PLD6: variants seen among roughly 807,000 people sequenced by gnomAD.
The protein encoded by PLD6 is phospholipase D family member 6.
In PLD6, 10 loss-of-function variants were observed where a neutral mutation model predicts 9.7. The ratio of observed to expected loss-of-function variants is 1.03; its 90% CI spans 0.64 to 1.75. The LOEUF (loss-of-function observed/expected upper bound fraction) is 1.75, where lower values mean the gene tolerates loss of function less well. PLD6 is among the 40% of genes most tolerant of loss of function. The pLI, the probability that PLD6 is intolerant of heterozygous loss-of-function variation, is 0.00. For missense variants in PLD6, 334 were observed against 347.6 expected (o/e 0.96, Z 0.31); for synonymous variants, 152 against 159.2 (o/e 0.96, Z 0.34).
At chr17:17,205,492 C>T (rs1356983454) in intron 1 of PLD6, among the ~76,000 whole-genome samples, 2 of 152,194 alleles carry the variant, frequency 1.3e-5, no homozygotes, top group African/African-American at 2.4e-5. Flanking sequence ...GGAGGGCGGG[C>T]CCGGGCTGCA....
In PLD6 at chr17:17,206,087, T is replaced by G; in HGVS notation, c.200A>C (p.Glu67Ala). Residue 67 changes from glutamate to alanine, a missense_variant, in exon 1 of 2, where the codon GAG becomes GCG. Coordinates refer to ENST00000321560, the MANE Select transcript of PLD6 (RefSeq NM_178836.4). ...GTGGGGCAGGCCGCACGGGCAGCCC[T>G]CGGGGAGCTCGGCCAGCTCCGCGCC... ...APGAELAELP[E>A]GCPCGLPHGE... 6.7e-7 allele frequency: 1 copy of G among 1,489,030 alleles called. No individual in the cohort carries two copies. The highest frequency in any genetic ancestry group is 1.3e-5 in the South Asian group (1 of 77,454). The allele number at this position is 1,489,030 out of a possible 1,614,324, so 92.2% of individuals were successfully genotyped here.
chr17:17,205,937 C>T lies in PLD6; in HGVS notation c.350G>A (p.Gly117Glu). ...GTCGGTGACGACCCGCACTCGCACC[C>T]CACGCTGGTGCAGCAACTGCACGGC... ...GRAVQLLHQR[G>E]VRVRVVTDCD... The change falls in exon 1 of 2, where the codon GGG becomes GAG. Residue 117 changes from glycine (G) to glutamate (E), a missense_variant. Transcript: ENST00000321560. 6.4e-7 allele frequency: 1 copy of T among 1,564,552 alleles called. No homozygotes were observed. The highest frequency in any genetic ancestry group is 2.4e-5 in the East Asian group (1 of 42,218).
In PLD6 at chr17:17,202,687, A is replaced by T; in HGVS notation, c.*80T>A. ...ATTCTAATAGACGAGACTTTAGTTT[A>T]ACGATTTTTTTCTAGTGCCGAGGTC... is the stretch of plus-strand genomic sequence containing the variant. On this transcript the variant is annotated 3_prime_UTR_variant, in exon 2 of 2. Transcript: ENST00000321560. 7.4e-7 allele frequency: 1 copy of T among 1,359,922 alleles called. No individual in the cohort carries two copies. The highest frequency in any genetic ancestry group is 1.0e-6 in the Non-Finnish European group (1 of 990,318). The allele number at this position is 1,359,922 out of a possible 1,614,324, so 84.2% of individuals were successfully genotyped here. A position where few individuals can be genotyped will look rare whatever the true frequency, so the allele number is the denominator to read the frequency against.
rs1026211506 is a variant in PLD6 at position 17,202,623 on chromosome 17, G to C, written c.*144C>G. ...CCGAAATAACTGACCCGAAGTAACA[G>C]AAATTTCCCTTTCCTAACCTTCTTT... On this transcript the variant is annotated 3_prime_UTR_variant, in exon 2 of 2. Coordinates refer to ENST00000321560, the MANE Select transcript of PLD6 (RefSeq NM_178836.4). The C allele has an allele frequency of 2.4e-6, 2 of 841,328 alleles. No individual in the cohort carries two copies. The highest frequency in any genetic ancestry group is 3.6e-6 in the Non-Finnish European group (2 of 552,360). The allele number at this position is 841,328 out of a possible 1,614,324, so 52.1% of individuals were successfully genotyped here.
rs2046716647 is a variant in PLD6 at position 17,206,007 on chromosome 17, G to C, written c.280C>G (p.Leu94Val). The C allele has an allele frequency of 6.5e-7, 1 of 1,545,908 alleles. No individual in the cohort carries two copies. Among genetic ancestry groups the C allele is most frequent in the Non-Finnish European group, 8.7e-7 (1 of 1,148,784 alleles). ...GAGAAGGCGAACAGGCAGAGATCCA[G>C]GCTGGCGCGGGCGGCCAGCAGGGCA... ...LRALLAARAS[L>V]DLCLFAFSSP... Residue 94 changes from leucine to valine, a missense_variant, in exon 1 of 2, where the codon CTG becomes GTG. Coordinates refer to ENST00000321560, the MANE Select transcript of PLD6 (RefSeq NM_178836.4).
chr17:17,204,198 A>T (rs1048506632), intron 1 of PLD6, among the ~76,000 whole-genome samples: 4 of 152,168 alleles, frequency 2.6e-5, no homozygotes, highest in African/African-American at 9.7e-5. Context: ...ACCTCTGGCC[A>T]CAGGGGACTT....
In PLD6 at chr17:17,202,685, T is replaced by A. The variant is rs146329647; in HGVS notation, c.*82A>T. 84 of 1,352,728 alleles carry A rather than the reference T, an allele frequency of 6.2e-5. No individual in the cohort carries two copies. The East Asian group carries it at 1.9e-3, about 31-fold the overall frequency. 83.8% of individuals were successfully genotyped at this position (1,352,728 alleles called of 1,614,324 possible). A position where few individuals can be genotyped will look rare whatever the true frequency, so the allele number is the denominator to read the frequency against. ...GTATTCTAATAGACGAGACTTTAGTTTAACGATTTTTTTCTAGTGCCGAGG... is the reference window on the plus strand; with the variant it reads ...GTATTCTAATAGACGAGACTTTAGTATAACGATTTTTTTCTAGTGCCGAGG... On this transcript the variant is annotated 3_prime_UTR_variant, in exon 2 of 2. Transcript: ENST00000321560.
chr17:17,203,326 G>C (rs2046690701), intron 1 of PLD6, among the ~76,000 whole-genome samples: 1 of 152,178 alleles, frequency 6.6e-6, no homozygotes, highest in Admixed American at 6.5e-5. Flanking sequence ...TGGGGGACTG[G>C]GCAGGCCGTG....
rs531230180 is a variant in PLD6 at position 17,202,017 on chromosome 17, A to C, written c.*750T>G. 203 of 152,332 alleles carry C rather than the reference A, an allele frequency of 1.3e-3. No individual in the cohort carries two copies. The highest frequency in any genetic ancestry group is 4.7e-3 in the African/African-American group (197 of 41,550). The allele number at this position is 152,332 out of a possible 1,614,324, so 9.4% of individuals were successfully genotyped here. ...GATAAATAAATAAATAAATAAAATA[A>C]AAAAAGTTAAAAGCCCAACATAGAA... On this transcript the variant is annotated 3_prime_UTR_variant, in exon 2 of 2. Transcript: ENST00000321560.
intron 1 of PLD6, 117 bp from the exon 2 acceptor site, chr17:17,203,215 G>A (rs560151308): frequency 3.6e-5 from 39 of 1,093,150 alleles, no homozygotes; most frequent in South Asian, 1.8e-4. Flanking sequence ...AGGAAAGCCC[G>A]CCATGCTTTC....
At position 17,202,911 on chromosome 17, in the gene PLD6, G is replaced by T; in HGVS notation, c.615C>A (p.Ile205=). The change falls in exon 2 of 2, where the codon ATC becomes ATA. Residue 205 remains isoleucine (I), a synonymous_variant. Transcript: ENST00000321560. ...ACTTTGTAGGGTTAAACTGTTCCCA[G>T]ATGCGCTCAAATTCTTCCAGAAAAA... ...VRLFLEEFER[I]WEQFNPTKYT... 1 of 1,614,170 alleles carries T rather than the reference G, an allele frequency of 6.2e-7. No individual in the cohort carries two copies. Among genetic ancestry groups the T allele is most frequent in the Non-Finnish European group, 8.5e-7 (1 of 1,180,042 alleles).
chr17:17,203,800 C>T (rs1212615213), intron 1 of PLD6, among the ~76,000 whole-genome samples: 1 of 152,170 alleles, frequency 6.6e-6, no homozygotes, highest in Non-Finnish European at 1.5e-5. Context: ...AAACAGGCTG[C>T]CATGGAACAC....
At chr17:17,203,703 G>A (rs950449473) in intron 1 of PLD6, among the ~76,000 whole-genome samples, 2 of 152,208 alleles carry the variant, frequency 1.3e-5, no homozygotes, top group African/African-American at 4.8e-5. Context: ...GGAAGGGCCT[G>A]TGTCTGTCTC....
rs368796803 is a variant in PLD6, at chr17:17,206,331, T to G, written c.-45A>C. On this transcript the variant is annotated 5_prime_UTR_variant, in exon 1 of 2. Coordinates refer to ENST00000321560, the MANE Select transcript of PLD6 (RefSeq NM_178836.4). ...CCACAGCCACGCCGCCGCAGCGGAG[T>G]CTGCGCGCCCCCAGCCCTAGACCGC... 2,336 of 1,470,340 alleles carry G rather than the reference T, an allele frequency of 1.6e-3. 5 individuals are homozygous for G. Among genetic ancestry groups the G allele is most frequent in the Non-Finnish European group, 1.9e-3 (2,114 of 1,120,054 alleles). 91.1% of individuals were successfully genotyped at this position (1,470,340 alleles called of 1,614,324 possible).
rs748165661 is a variant in PLD6 at position 17,203,043 on chromosome 17, G to A, written c.483C>T (p.Ile161=). 5.0e-6 allele frequency: 8 copies of A among 1,614,186 alleles called. No homozygotes were observed. The highest frequency in any genetic ancestry group is 5.9e-6 in the Non-Finnish European group (7 of 1,180,042). The change falls in exon 2 of 2, where the codon ATC becomes ATT. Residue 161 remains isoleucine (I), a synonymous_variant. Transcript: ENST00000321560. ...DPGYMHHKFA[I]VDKRVLITGS... is the part of the protein sequence containing the mutation. ...CAGTGATGAGCACCCTCTTGTCCAC[G>A]ATGGCAAACTTGTGATGCATGTAGC... is the stretch of plus-strand genomic sequence containing the variant.
rs904609475 is a variant in PLD6, at chr17:17,201,138, G to A, written c.*1629C>T. The A allele has an allele frequency of 6.6e-6, 1 of 152,216 alleles. No individual in the cohort carries two copies. Among genetic ancestry groups the A allele is most frequent in the Non-Finnish European group, 1.5e-5 (1 of 68,048 alleles). 9.4% of individuals were successfully genotyped at this position (152,216 alleles called of 1,614,324 possible). ...TTCACAAACTAAAACAATTTCTGGT[G>A]ACTTCCAATCTATATATTATACTTT... is the stretch of plus-strand genomic sequence containing the variant. On this transcript the variant is annotated 3_prime_UTR_variant, in exon 2 of 2. Transcript: ENST00000321560.
chr17:17,203,052 C>T lies in PLD6; in HGVS notation c.474G>A (p.Lys158=). ...HDQDPGYMHH[K]FAIVDKRVLI... ...GCACCCTCTTGTCCACGATGGCAAA[C>T]TTGTGATGCATGTAGCCTGGGTCTT... The change falls in exon 2 of 2, where the codon AAG becomes AAA. Residue 158 remains lysine (K), a synonymous_variant. Transcript: ENST00000321560. The T allele has an allele frequency of 1.9e-6, 3 of 1,614,218 alleles. 1 individual carries two copies. Among genetic ancestry groups the T allele is most frequent in the South Asian group, 2.2e-5 (2 of 91,084 alleles).
At chr17:17,203,217 C>G (rs2046689893) in intron 1 of PLD6, 119 bp from the exon 2 acceptor site, 1 of 1,049,946 alleles carries the variant, frequency 9.5e-7, no homozygotes, top group South Asian at 1.6e-5. Flanking sequence ...GAAAGCCCGC[C>G]ATGCTTTCAC....
intron 1 of PLD6, among the ~76,000 whole-genome samples, chr17:17,203,593 A>G (rs1284829462): frequency 6.8e-6 from 1 of 147,144 alleles, no homozygotes; most frequent in African/African-American, 2.5e-5. Flanking sequence ...CCTAACTAAC[A>G]ACGCACAAAT....
Sources: gnomAD v4.1 joint callset for allele counts (sites outside exome capture counted in the v4.1 genomes callset) on GRCh38, gnomAD v4.1.1 for gene constraint, MANE v1.5 for transcripts, NCBI Gene and HGNC (gene_info 2026-07-23, HGNC 2026-07-21) for gene names.